Variants in ASF1B observed in about 807,000 individuals in gnomAD.
The protein encoded by ASF1B is anti-silencing function 1B histone chaperone.
In ASF1B, 10 loss-of-function variants were observed where a neutral mutation model predicts 16.6. The observed-to-expected ratio is 0.60, with a 90% CI of 0.37 to 1.02. The LOEUF (loss-of-function observed/expected upper bound fraction) is 1.02, where lower values mean the gene tolerates loss of function less well. Among genes scored for constraint, ASF1B ranks in the 50% least tolerant of loss-of-function variants. The pLI is 0.01. For missense variants in ASF1B, 240 were observed against 266.0 expected, an observed-to-expected ratio of 0.90 and a Z score of 0.68; for synonymous variants, 101 against 106.2, an observed-to-expected ratio of 0.95 and a Z score of 0.30.
chr19:14,130,437 G>A (rs1035706757), intron 1 of ASF1B, among the ~76,000 whole-genome samples: 1 of 151,602 alleles, frequency 6.6e-6, no homozygotes, highest in African/African-American at 2.4e-5. Flanking sequence ...AGGAAGCTGA[G>A]GTGGGAGGAC....
intron 3 of ASF1B, chr19:14,121,292 TTTTTG>T: frequency 2.2e-6 from 1 of 452,024 alleles, no homozygotes; most frequent in Admixed American, 3.9e-5. Flanking sequence ...TTTTTTTTTT[TTTTTG>T]CGGGGGTTAG....
intron 1 of ASF1B, among the ~76,000 whole-genome samples, chr19:14,136,102 G>A (rs2144523901): frequency 6.6e-6 from 1 of 151,664 alleles, no homozygotes; most frequent in East Asian, 1.9e-4. Flanking sequence ...TTAGCTGGCG[G>A]GGGGTCTCCA....
intron 1 of ASF1B, among the ~76,000 whole-genome samples, chr19:14,127,072 C>A (rs1262809108): frequency 6.6e-6 from 1 of 152,226 alleles, no homozygotes; most frequent in African/African-American, 2.4e-5. Flanking sequence ...CAGGTGTGGG[C>A]TGCTGTGCCC....
At chr19:14,128,300 C>G (rs1474535634) in intron 1 of ASF1B, among the ~76,000 whole-genome samples, 3 of 152,200 alleles carry the variant, frequency 2.0e-5, no homozygotes, top group Non-Finnish European at 4.4e-5. Flanking sequence ...CATGCTGCTG[C>G]CAGGTCATGA....
Position 14,136,578 on chromosome 19 carries a change from G to C in ASF1B, c.-122C>G. The C allele has an allele frequency of 1.4e-6, 1 of 727,966 alleles. No homozygotes were observed. Among genetic ancestry groups the C allele is most frequent in the Middle Eastern group, 3.7e-4 (1 of 2,712 alleles). The allele number at this position is 727,966 out of a possible 1,614,324, so 45.1% of individuals were successfully genotyped here. A position where few individuals can be genotyped will look rare whatever the true frequency, so the allele number is the denominator to read the frequency against. On this transcript the variant is annotated 5_prime_UTR_variant, in exon 1 of 4. Coordinates refer to ENST00000263382, the MANE Select transcript of ASF1B (RefSeq NM_018154.3). Reference sequence around the variant, plus strand: ...GTCCACTCCCGCCTCTTCTCTCCGAGAACTGAAGTGCGCACCTAGTCCGCG... The same window carrying C: ...GTCCACTCCCGCCTCTTCTCTCCGACAACTGAAGTGCGCACCTAGTCCGCG...
At chr19:14,131,083 G>A (rs1028253229) in intron 1 of ASF1B, among the ~76,000 whole-genome samples, 6 of 151,804 alleles carry the variant, frequency 4.0e-5, no homozygotes, top group Non-Finnish European at 8.8e-5. Flanking sequence ...TCACCACATT[G>A]GCCAGGCTGG....
intron 2 of ASF1B, among the ~76,000 whole-genome samples, chr19:14,124,925 G>A (rs1967295865): frequency 6.6e-6 from 1 of 152,188 alleles, no homozygotes; most frequent in African/African-American, 2.4e-5. Context: ...GCTGTTGGCT[G>A]TGAATTCAAC....
At chr19:14,128,643 T>C (rs1012520078) in intron 1 of ASF1B, among the ~76,000 whole-genome samples, 1 of 152,142 alleles carries the variant, frequency 6.6e-6, no homozygotes, top group Non-Finnish European at 1.5e-5. Flanking sequence ...CCAGGGAATT[T>C]TTAAATTGTT....
chr19:14,131,764 G>A (rs1267950509), intron 1 of ASF1B, among the ~76,000 whole-genome samples: 6 of 152,030 alleles, frequency 3.9e-5, no homozygotes, highest in Admixed American at 2.0e-4. Flanking sequence ...GATTACAGGC[G>A]TGAGCCACCA....
At chr19:14,120,759 G>C in intron 3 of ASF1B, 94 bp from the exon 4 acceptor site, 1 of 1,137,100 alleles carries the variant, frequency 8.8e-7, no homozygotes, top group Non-Finnish European at 1.3e-6. Context: ...CTCAAGCCCA[G>C]CAAGAGCAAC....
In ASF1B at chr19:14,121,586, C is replaced by T; in HGVS notation, c.348G>A (p.Glu116=). 1.9e-6 allele frequency: 3 copies of T among 1,614,068 alleles called. No individual in the cohort carries two copies. Among genetic ancestry groups the T allele is most frequent in the Non-Finnish European group, 2.5e-6 (3 of 1,180,016 alleles). The part of the protein sequence containing the change: ...FIRVGYYVNN[E]YLNPELRENP... Reference sequence around the variant, plus strand: ...TCTCACGCAGCTCAGGGTTGAGGTACTCGTTGTTGACGTAGTAGCCCACTC... The same window carrying T: ...TCTCACGCAGCTCAGGGTTGAGGTATTCGTTGTTGACGTAGTAGCCCACTC... Residue 116 remains glutamate (E), a synonymous_variant, in exon 3 of 4, where the codon GAG becomes GAA. Coordinates refer to ENST00000263382, the MANE Select transcript of ASF1B (RefSeq NM_018154.3).
chr19:14,130,829 C>T (rs965088143), intron 1 of ASF1B, among the ~76,000 whole-genome samples: 5 of 150,052 alleles, frequency 3.3e-5, no homozygotes, highest in African/African-American at 1.2e-4. Context: ...AGACTAAAGA[C>T]ATGTACACAA....
At chr19:14,121,840 C>T (rs1967243473) in intron 2 of ASF1B, 132 bp from the exon 3 acceptor site, 1 of 819,410 alleles carries the variant, frequency 1.2e-6, no homozygotes, top group Non-Finnish European at 1.8e-6. Context: ...CTTTTTTTTA[C>T]TTCTGCCTCT....
intron 2 of ASF1B, among the ~76,000 whole-genome samples, chr19:14,125,495 C>T (rs920436318): frequency 6.6e-6 from 1 of 151,268 alleles, no homozygotes; most frequent in African/African-American, 2.4e-5. Context: ...GCCTGACGGC[C>T]TCTGAGAGGT....
rs541229380 is a variant in ASF1B, at chr19:14,120,373, C to G, written c.*86G>C. ...GACCTGGATTGCAGCTGATGGCCCC[C>G]AAAGTCCTCTAGATGGGCCCTGCAG... On this transcript the variant is annotated 3_prime_UTR_variant, in exon 4 of 4. Coordinates refer to ENST00000263382, the MANE Select transcript of ASF1B (RefSeq NM_018154.3). 1.1e-5 allele frequency: 15 copies of G among 1,390,616 alleles called. No homozygotes were observed. In the East Asian group the frequency reaches 3.5e-4, roughly 33 times the overall value. 86.1% of individuals were successfully genotyped at this position (1,390,616 alleles called of 1,614,324 possible).
chr19:14,133,237 C>T (rs1393844926), intron 1 of ASF1B, among the ~76,000 whole-genome samples: 1 of 152,164 alleles, frequency 6.6e-6, no homozygotes, highest in Non-Finnish European at 1.5e-5. Context: ...CTATGCTCCA[C>T]CCCTGAAACA....
Position 14,120,684 on chromosome 19 carries a change from C to CTT in ASF1B, c.403-20_403-19insAA. 6.2e-7 allele frequency: 1 copy of CTT among 1,613,150 alleles called. No homozygotes were observed. The highest frequency in any genetic ancestry group is 8.5e-7 in the Non-Finnish European group (1 of 1,179,310). On this transcript the variant is annotated intron_variant, in intron 3 of 3. Transcript: ENST00000263382. ...GCTGGAGCTGGGGCAGGAAGAGGAA[C>CTT]GTCAACCCTTGTAGGTACGCCCTCT...
intron 2 of ASF1B, among the ~76,000 whole-genome samples, chr19:14,123,522 G>C (rs1967272333): frequency 6.6e-6 from 1 of 150,838 alleles, no homozygotes; most frequent in Non-Finnish European, 1.5e-5. Context: ...TGAGACTACA[G>C]GTGCCCGCCA....
intron 1 of ASF1B, among the ~76,000 whole-genome samples, chr19:14,133,964 C>G (rs971687046): frequency 2.0e-5 from 3 of 151,774 alleles, no homozygotes. Flanking sequence ...CCACCACGCC[C>G]GGCTAATTTT....
Sources: gnomAD v4.1 joint callset for allele counts (sites outside exome capture counted in the v4.1 genomes callset) on GRCh38, gnomAD v4.1.1 for gene constraint, MANE v1.5 for transcripts, NCBI Gene and HGNC (gene_info 2026-07-23, HGNC 2026-07-21) for gene names.